HCK: variants seen among roughly 807,000 people sequenced by gnomAD.
HCK encodes the protein tyrosine-protein kinase HCK.
In HCK, 40 loss-of-function variants were observed where a neutral mutation model predicts 70.4. That is an observed-to-expected ratio of 0.57 (90% CI 0.44 to 0.74). The LOEUF (loss-of-function observed/expected upper bound fraction) is 0.74, where lower values mean the gene tolerates loss of function less well. HCK is among the 30% of genes least tolerant of loss of function. The pLI, the probability that HCK is intolerant of heterozygous loss-of-function variation, is 0.00. For synonymous variants in HCK, 245 were observed against 263.2 expected, an observed-to-expected ratio of 0.93 and a Z score of 0.67; for missense variants, 568 against 697.2, an observed-to-expected ratio of 0.81 and a Z score of 2.09.
chr20:32,077,402 C>T (rs2045642838), intron 5 of HCK, among the ~76,000 whole-genome samples: 1 of 152,238 alleles, frequency 6.6e-6, no homozygotes, highest in African/African-American at 2.4e-5. Context: ...CAGATGCTTC[C>T]TCCTTATATA....
At chr20:32,064,546 G>T (rs1285323267) in intron 1 of HCK, among the ~76,000 whole-genome samples, 1 of 152,222 alleles carries the variant, frequency 6.6e-6, no homozygotes, top group Non-Finnish European at 1.5e-5. Context: ...GAGAAACTGA[G>T]GCTCAGAGAC....
At chr20:32,056,410 G>C (rs1206991345) in intron 1 of HCK, among the ~76,000 whole-genome samples, 1 of 152,092 alleles carries the variant, frequency 6.6e-6, no homozygotes. Context: ...CAGCTACTCG[G>C]GAGGCTGAGG....
Position 32,093,847 on chromosome 20 carries a change from T to C in HCK, c.1093-16T>C. 1 of 1,605,522 alleles carries C rather than the reference T, an allele frequency of 6.2e-7. No homozygotes were observed. On this transcript the variant is annotated splice_polypyrimidine_tract_variant and intron_variant, in intron 10 of 12. Coordinates refer to ENST00000375852, the MANE Select transcript of HCK (RefSeq NM_002110.5). ...GGCCAGGTCTGAGGACAAAGGTGTC[T>C]CTGTTTGGGGTGCAGATTGCAGAAG...
chr20:32,055,457 A>G (rs2122446070), intron 1 of HCK, among the ~76,000 whole-genome samples: 1 of 152,350 alleles, frequency 6.6e-6, no homozygotes, highest in South Asian at 2.1e-4. Context: ...TTAAATTAAC[A>G]TAATTAGTAT....
chr20:32,073,277 C>CCA (rs746704341), intron 2 of HCK, 42 bp from the exon 3 acceptor site: 46 of 1,564,800 alleles, frequency 2.9e-5, no homozygotes, highest in African/African-American at 4.1e-5. Context: ...GGTCCCCACA[C>CCA]ATTGGTCAGA....
At chr20:32,066,670 A>G (rs914110427) in intron 1 of HCK, among the ~76,000 whole-genome samples, 10 of 152,144 alleles carry the variant, frequency 6.6e-5, no homozygotes, top group African/African-American at 2.4e-4. Context: ...TTATACTCAA[A>G]AAATATTTGT....
intron 5 of HCK, among the ~76,000 whole-genome samples, chr20:32,078,345 G>T (rs1043692337): frequency 6.6e-6 from 1 of 151,264 alleles, no homozygotes; most frequent in Non-Finnish European, 1.5e-5. Flanking sequence ...GCGCCCAGCC[G>T]GGGGAGACAG....
chr20:32,059,301 C>T (rs80029162), intron 1 of HCK, among the ~76,000 whole-genome samples: 16 of 47,024 alleles, frequency 3.4e-4, no homozygotes, highest in South Asian at 1.9e-3. Flanking sequence ...CCTTCCCTCC[C>T]TCCCTCCTTT....
In HCK at chr20:32,073,726, G is replaced by C; in HGVS notation, c.237G>C (p.Glu79Asp). The C allele has an allele frequency of 6.4e-7, 1 of 1,556,974 alleles. No homozygotes were observed. The highest frequency in any genetic ancestry group is 8.7e-7 in the Non-Finnish European group (1 of 1,149,158). ...TGTCTCCCTTCCCAGCAGGCTCTGA[G>C]GACATCATCGTGGTTGCCCTGTATG... The change falls in exon 4 of 13, where the codon GAG becomes GAC. Residue 79 changes from glutamate (E) to aspartate (D), a missense_variant. Glu to Asp is a conservative substitution (Grantham distance 45). Coordinates refer to ENST00000375852, the MANE Select transcript of HCK (RefSeq NM_002110.5).
At chr20:32,088,884 T>A (rs1346418353) in intron 10 of HCK, among the ~76,000 whole-genome samples, 1 of 152,060 alleles carries the variant, frequency 6.6e-6, no homozygotes, top group Non-Finnish European at 1.5e-5. Flanking sequence ...TAACAAACCA[T>A]CCAAGTCCTA....
At chr20:32,075,818 C>G (rs2045615587) in intron 5 of HCK, among the ~76,000 whole-genome samples, 1 of 152,120 alleles carries the variant, frequency 6.6e-6, no homozygotes, top group Non-Finnish European at 1.5e-5. Context: ...TGGAGATGTT[C>G]TCTGTATGGT....
chr20:32,060,462 C>A (rs2045352489), intron 1 of HCK, among the ~76,000 whole-genome samples: 1 of 152,082 alleles, frequency 6.6e-6, no homozygotes, highest in Non-Finnish European at 1.5e-5. Context: ...ATCAGGTGAT[C>A]CGCCTGCTGA....
intron 9 of HCK, among the ~76,000 whole-genome samples, chr20:32,088,142 G>A (rs2045815987): frequency 6.6e-6 from 1 of 152,148 alleles, no homozygotes; most frequent in East Asian, 1.9e-4. Context: ...TTGGCCTCAG[G>A]TGATCCTCTC....
At chr20:32,098,162 C>A (rs564750211) in intron 11 of HCK, among the ~76,000 whole-genome samples, 1 of 152,128 alleles carries the variant, frequency 6.6e-6, no homozygotes, top group South Asian at 2.1e-4. Flanking sequence ...ATTCTCCTGT[C>A]TCAGCCTGTA....
intron 1 of HCK, among the ~76,000 whole-genome samples, chr20:32,055,465 T>C (rs1258207480): frequency 6.6e-6 from 1 of 152,226 alleles, no homozygotes; most frequent in Non-Finnish European, 1.5e-5. Context: ...ACATAATTAG[T>C]ATAATGCTAC....
intron 1 of HCK, among the ~76,000 whole-genome samples, chr20:32,053,592 C>T (rs1678014707): frequency 6.9e-6 from 1 of 144,300 alleles, no homozygotes; most frequent in Non-Finnish European, 1.5e-5. Context: ...GAGCCGAGAT[C>T]GCGCCACTGC....
At chr20:32,074,266 T>C (rs1488550794) in intron 4 of HCK, among the ~76,000 whole-genome samples, 1 of 152,060 alleles carries the variant, frequency 6.6e-6, no homozygotes, top group Non-Finnish European at 1.5e-5. Context: ...AAGCCCACTC[T>C]CCCCTATTCT....
intron 3 of HCK, 24 bp from the exon 4 acceptor site, chr20:32,073,692 C>T: frequency 1.3e-6 from 2 of 1,511,232 alleles, no homozygotes; most frequent in Non-Finnish European, 1.8e-6. Context: ...CGAAACCTCA[C>T]CCTCTGTGTG....
intron 10 of HCK, 136 bp downstream of exon 10, chr20:32,088,780 T>C: frequency 3.1e-6 from 2 of 639,936 alleles, no homozygotes; most frequent in South Asian, 2.0e-5. Flanking sequence ...AGTATAAAAC[T>C]ATGTTTTTTG....
Sources: allele counts gnomAD v4.1 joint callset (sites outside exome capture counted in the v4.1 genomes callset), GRCh38; gene constraint gnomAD v4.1.1; transcripts MANE v1.5; gene names NCBI Gene and HGNC (gene_info 2026-07-23, HGNC 2026-07-21).